The following ARHGAP42 variants were observed in gnomAD, a reference collection of about 807,000 sequenced individuals.
ARHGAP42 encodes the protein Rho GTPase activating protein 42.
In ARHGAP42, 63 loss-of-function variants were observed where a neutral mutation model predicts 125.0. The observed-to-expected ratio is 0.50, with a 90% CI of 0.41 to 0.62. ARHGAP42 has a LOEUF of 0.62. Among genes scored for constraint, ARHGAP42 ranks in the 20% least tolerant of loss-of-function variants. The pLI is 0.00. For missense variants in ARHGAP42, 766 were observed against 1,024.2 expected (o/e 0.75, Z 3.44); for synonymous variants, 339 against 351.0 (o/e 0.97, Z 0.38).
chr11:100,848,377 TTTG>T (rs1324281188), intron 3 of ARHGAP42, among the ~76,000 whole-genome samples: 1 of 152,174 alleles, frequency 6.6e-6, no homozygotes, highest in Non-Finnish European at 1.5e-5. Context: ...GACATTATGT[TTTG>T]TTGTTAGGAT....
chr11:100,766,730 T>C (rs1565205046), intron 1 of ARHGAP42, among the ~76,000 whole-genome samples: 1 of 152,162 alleles, frequency 6.6e-6, no homozygotes, highest in Non-Finnish European at 1.5e-5. Flanking sequence ...TTCTTTACCT[T>C]GATGGTTTTT....
intron 4 of ARHGAP42, among the ~76,000 whole-genome samples, chr11:100,895,394 C>A (rs919939411): frequency 6.6e-6 from 1 of 151,918 alleles, no homozygotes; most frequent in Non-Finnish European, 1.5e-5. Context: ...ATGTCTTTAT[C>A]CTGGGGAGTC....
At chr11:100,709,649 G>A (rs1364009633) in intron 1 of ARHGAP42, among the ~76,000 whole-genome samples, 2 of 152,170 alleles carry the variant, frequency 1.3e-5, no homozygotes, top group African/African-American at 4.8e-5. Flanking sequence ...CCACTATATG[G>A]AATATTTTTC....
In ARHGAP42 at chr11:100,984,576, C is replaced by G. The variant is rs117803188; in HGVS notation, c.2457-2937C>G. 2.0e-4 allele frequency among the ~76,000 whole-genome samples: 31 copies of G among 151,932 alleles called. 1 individual carries two copies. In the East Asian group the frequency reaches 5.6e-3, roughly 28 times the overall value. ...AAATTTCTCTTATGTTTAAGATAAG[C>G]ACTGGCAAATTTTGCACACTGACCC... On this transcript the variant is annotated intron_variant, in intron 22 of 23. Coordinates refer to ENST00000298815, the MANE Select transcript of ARHGAP42 (RefSeq NM_152432.4).
rs1299161779 is a variant in ARHGAP42, at chr11:100,819,511, T to C, written c.312+24345T>C. Among the ~76,000 whole-genome samples, 3 of 152,102 alleles carry C rather than the reference T, an allele frequency of 2.0e-5. No homozygotes were observed. The East Asian group carries it at 5.8e-4, about 29-fold the overall frequency. ...CAGATAGTAGGAAATTTGCTGAGTT[T>C]AGCTTGCAATGTTTTAGGAGAGGTA... On this transcript the variant is annotated intron_variant, in intron 3 of 23. Coordinates refer to ENST00000298815, the MANE Select transcript of ARHGAP42 (RefSeq NM_152432.4).
chr11:100,957,701 A>G (rs1028987574), intron 12 of ARHGAP42, among the ~76,000 whole-genome samples: 1 of 152,084 alleles, frequency 6.6e-6, no homozygotes, highest in Non-Finnish European at 1.5e-5. Context: ...TACAGGATCC[A>G]TGGAATATGT....
chr11:100,936,264 C>T lies in ARHGAP42; in HGVS notation c.764C>T (p.Ser255Phe). The change falls in exon 8 of 24, where the codon TCT (serine) becomes TTT (phenylalanine). Residue 255 changes from serine (S) to phenylalanine (F), a missense_variant. Transcript: ENST00000298815. ...GAGCGGTTGATGCAAAGGATGAAAT[C>T]TGCTAACCAGGACTACAGACCACCC... ...EVERLMQRMKSANQDYRPPSQ... is the reference protein window; with the variant it reads ...EVERLMQRMKFANQDYRPPSQ... 6.4e-7 allele frequency: 1 copy of T among 1,551,652 alleles called. No homozygotes were observed.
chr11:100,875,980 A>T (rs1216952480), intron 4 of ARHGAP42, among the ~76,000 whole-genome samples: 1 of 152,044 alleles, frequency 6.6e-6, no homozygotes, highest in Non-Finnish European at 1.5e-5. Flanking sequence ...GTAGGAGAGC[A>T]TGTGGCCCAC....
Position 100,849,380 on chromosome 11 carries a change from A to G in ARHGAP42, c.313-10174A>G, listed in dbSNP as rs1454554348. 2.0e-5 allele frequency among the ~76,000 whole-genome samples: 3 copies of G among 152,206 alleles called. No individual in the cohort carries two copies. The East Asian group carries it at 5.8e-4, about 29-fold the overall frequency. On this transcript the variant is annotated intron_variant, in intron 3 of 23. Coordinates refer to ENST00000298815, the MANE Select transcript of ARHGAP42 (RefSeq NM_152432.4). ...TTGGAAAAGACCAGGGCCGAGAGTT[A>G]TAACATATGGAACTTATTTGGGAAG...
chr11:100,861,371 C>T (rs1039018976), intron 4 of ARHGAP42, among the ~76,000 whole-genome samples: 8 of 152,158 alleles, frequency 5.3e-5, no homozygotes, highest in East Asian at 1.9e-4. Context: ...CAGTATTTTA[C>T]TCCCTAGCCT....
rs2135321076 is a variant in ARHGAP42 at position 100,976,456 on chromosome 11, T to A, written c.2236+19T>A. Reference sequence around the variant, plus strand: ...GCTGAAGGTAAGGCAGAGTGGAACTTGTGCAAGATGTCATTGTCTCAGTGT... The same window carrying A: ...GCTGAAGGTAAGGCAGAGTGGAACTAGTGCAAGATGTCATTGTCTCAGTGT... On this transcript the variant is annotated intron_variant, in intron 20 of 23. Transcript: ENST00000298815. The A allele has an allele frequency of 1.3e-6, 2 of 1,497,164 alleles. No individual in the cohort carries two copies. Among genetic ancestry groups the A allele is most frequent in the East Asian group, 2.5e-5 (1 of 40,476 alleles). The allele number at this position is 1,497,164 out of a possible 1,614,324, so 92.7% of individuals were successfully genotyped here.
chr11:100,690,847 G>A (rs983756428), intron 1 of ARHGAP42, among the ~76,000 whole-genome samples: 14 of 152,048 alleles, frequency 9.2e-5, no homozygotes, highest in Admixed American at 6.6e-5. Context: ...TGATCTGCCC[G>A]CCTCAGCCTC....
At chr11:100,920,793 G>C (rs547250024) in intron 5 of ARHGAP42, among the ~76,000 whole-genome samples, 1 of 152,154 alleles carries the variant, frequency 6.6e-6, no homozygotes, top group Non-Finnish European at 1.5e-5. Context: ...TGATTCATCA[G>C]TTTAGAGCCA....
At position 100,909,814 on chromosome 11, in the gene ARHGAP42, A is replaced by G. The variant is rs560902653; in HGVS notation, c.385-3638A>G. Among the ~76,000 whole-genome samples the G allele has an allele frequency of 7.9e-5, 12 of 152,070 alleles. No individual in the cohort carries two copies. In the South Asian group the frequency reaches 2.3e-3, roughly 29 times the overall value. ...CTTTCCCTATTATATATTTTTGTCA[A>G]CTTTTTCAAAGATCAGTTGGTTGTA... On this transcript the variant is annotated intron_variant, in intron 4 of 23. Transcript: ENST00000298815.
In ARHGAP42 at chr11:100,976,860, G is replaced by C. The variant is rs1858405588; in HGVS notation, c.2282G>C (p.Gly761Ala). ...TCTATTCAAAGCTTAACTTCTGTAG[G>C]TTCCAAGGAGACACCCAAAGCTTCA... ...SGSIQSLTSV[G>A]SKETPKASPN... Residue 761 changes from glycine to alanine, a missense_variant, in exon 21 of 24, where the codon GGT becomes GCT. By Grantham distance (60) the Gly-to-Ala change is moderately conservative (BLOSUM62 0). Transcript: ENST00000298815. The C allele has an allele frequency of 6.4e-7, 1 of 1,551,340 alleles. No homozygotes were observed. Among genetic ancestry groups the C allele is most frequent in the Non-Finnish European group, 8.7e-7 (1 of 1,146,850 alleles).
At chr11:100,816,463 A>G (rs1250419778) in intron 3 of ARHGAP42, among the ~76,000 whole-genome samples, 1 of 152,182 alleles carries the variant, frequency 6.6e-6, no homozygotes, top group African/African-American at 2.4e-5. Context: ...ATTTTAAAGT[A>G]ATAGGAAGCA....
rs11224423 is a variant in ARHGAP42, at chr11:100,736,337, A to T, written c.155-34006A>T. Among the ~76,000 whole-genome samples the T allele has an allele frequency of 2.6e-5, 4 of 152,278 alleles. No individual in the cohort carries two copies. The East Asian group carries it at 7.7e-4, about 29-fold the overall frequency. On this transcript the variant is annotated intron_variant, in intron 1 of 23. Transcript: ENST00000298815. ...ATGGATGCATGCCGGGGGCTTCCCG[A>T]TGATCACTTGAGGATGGCTCTGGTG...
chr11:100,749,356 G>A (rs1360076241), intron 1 of ARHGAP42, among the ~76,000 whole-genome samples: 1 of 151,546 alleles, frequency 6.6e-6, no homozygotes, highest in Non-Finnish European at 1.5e-5. Flanking sequence ...GCCTGTCCCA[G>A]AAGCCTCAAC....
At chr11:100,898,682 G>A (rs1036500430) in intron 4 of ARHGAP42, among the ~76,000 whole-genome samples, 1 of 152,004 alleles carries the variant, frequency 6.6e-6, no homozygotes, top group Non-Finnish European at 1.5e-5. Flanking sequence ...GAGGTCGGTG[G>A]TGATATCCTC....
Sources: gnomAD v4.1 joint callset for allele counts (sites outside exome capture counted in the v4.1 genomes callset) on GRCh38, gnomAD v4.1.1 for gene constraint, MANE v1.5 for transcripts, NCBI Gene and HGNC (gene_info 2026-07-23, HGNC 2026-07-21) for gene names.